The following ANP32E variants were observed in gnomAD, a reference collection of about 807,000 sequenced individuals.
ANP32E encodes acidic leucine-rich nuclear phosphoprotein 32 family member E.
Under a neutral mutation model 35.3 loss-of-function variants are expected in ANP32E, and 14 were observed. The ratio of observed to expected loss-of-function variants is 0.40; its 90% confidence interval spans 0.26 to 0.62. The LOEUF (loss-of-function observed/expected upper bound fraction) is 0.62, where lower values mean the gene tolerates loss of function less well. Among genes scored for constraint, ANP32E ranks in the 20% least tolerant of loss-of-function variants. The pLI, the probability that ANP32E is intolerant of heterozygous loss-of-function variation, is 0.45. For missense variants in ANP32E, 198 were observed against 304.4 expected (o/e 0.65, Z 2.60); for synonymous variants, 89 against 110.4 (o/e 0.81, Z 1.22).
Position 150,230,699 on chromosome 1 carries a change from C to T in ANP32E, c.205-6G>A. On this transcript the variant is annotated splice_polypyrimidine_tract_variant and splice_region_variant and intron_variant, in intron 2 of 6. Coordinates refer to ENST00000583931, the MANE Select transcript of ANP32E (RefSeq NM_030920.5). Reference sequence around the variant, plus strand: ...ATATTATCACTAAGCTCCAACTATACATTCAACAAAGGAAAAAACAAAGAA... The same window carrying T: ...ATATTATCACTAAGCTCCAACTATATATTCAACAAAGGAAAAAACAAAGAA... 6.7e-7 allele frequency: 1 copy of T among 1,486,554 alleles called. No homozygotes were observed. The highest frequency in any genetic ancestry group is 8.9e-7 in the Non-Finnish European group (1 of 1,127,568). 92.1% of individuals were successfully genotyped at this position (1,486,554 alleles called of 1,614,324 possible). A position where few individuals can be genotyped will look rare whatever the true frequency, so the allele number is the denominator to read the frequency against.
chr1:150,229,849 T>A (rs1440395918), intron 3 of ANP32E, among the ~76,000 whole-genome samples: 2 of 152,212 alleles, frequency 1.3e-5, no homozygotes, highest in African/African-American at 2.4e-5. Context: ...CCTGACCTCA[T>A]GATCGGCTCA....
chr1:150,230,260 G>A (rs1192516081), intron 3 of ANP32E, among the ~76,000 whole-genome samples: 3 of 151,074 alleles, frequency 2.0e-5, no homozygotes, highest in African/African-American at 7.3e-5. Context: ...GAAAGAAGGG[G>A]ACAAATAATA....
intron 5 of ANP32E, among the ~76,000 whole-genome samples, chr1:150,225,138 TA>T (rs1195901943): frequency 2.0e-5 from 3 of 152,166 alleles, no homozygotes; most frequent in Non-Finnish European, 4.4e-5. Flanking sequence ...GTTGGGTTTG[TA>T]AAGATAAGAA....
At chr1:150,228,194 C>G (rs587753948) in intron 4 of ANP32E, among the ~76,000 whole-genome samples, 219 of 151,932 alleles carry the variant, frequency 1.4e-3, no homozygotes, top group African/African-American at 4.9e-3. Context: ...CTGCAACCTT[C>G]GCCTCCCAGG....
rs1169244840 is a variant in ANP32E, at chr1:150,230,838, T to G, written c.205-145A>C. 6.7e-6 allele frequency: 4 copies of G among 592,758 alleles called. No individual in the cohort carries two copies. In the Admixed American group the frequency reaches 1.3e-4, roughly 20 times the overall value. 36.7% of individuals were successfully genotyped at this position (592,758 alleles called of 1,614,324 possible). On this transcript the variant is annotated intron_variant, in intron 2 of 6. Coordinates refer to ENST00000583931, the MANE Select transcript of ANP32E (RefSeq NM_030920.5). Reference sequence around the variant, plus strand: ...CTCACTGCAACCTCCGCCTCCTGGGTTCAAGCAAATTCTCCTGCCTCAGCC... The same window carrying G: ...CTCACTGCAACCTCCGCCTCCTGGGGTCAAGCAAATTCTCCTGCCTCAGCC...
chr1:150,232,497 G>T (rs587594924), intron 1 of ANP32E, among the ~76,000 whole-genome samples: 11 of 125,994 alleles, frequency 8.7e-5, no homozygotes, highest in Non-Finnish European at 1.5e-4. Flanking sequence ...TGTAGATGGA[G>T]TCTTGCTCTG....
At position 150,220,419 on chromosome 1, in the gene ANP32E, T is replaced by C. The variant is rs1648246858; in HGVS notation, c.*272A>G. 5.8e-6 allele frequency: 2 copies of C among 341,892 alleles called. No individual in the cohort carries two copies. The highest frequency in any genetic ancestry group is 1.1e-5 in the Non-Finnish European group (2 of 183,200). 21.2% of individuals were successfully genotyped at this position (341,892 alleles called of 1,614,324 possible). Reference sequence around the variant, plus strand: ...TTAATTATGGGCTAAAAATGACTAATACAGTAAGCTTGAATTTAAAAAATT... The same window carrying C: ...TTAATTATGGGCTAAAAATGACTAACACAGTAAGCTTGAATTTAAAAAATT... On this transcript the variant is annotated 3_prime_UTR_variant, in exon 7 of 7. Transcript: ENST00000583931.
At chr1:150,222,362 T>C (rs1032186510) in intron 6 of ANP32E, among the ~76,000 whole-genome samples, 12 of 150,834 alleles carry the variant, frequency 8.0e-5, no homozygotes, top group Non-Finnish European at 1.5e-4. Flanking sequence ...GAGCTTGCAG[T>C]GAACTGAGAT....
At position 150,235,120 on chromosome 1, in the gene ANP32E, G is replaced by A. The variant is rs1204698419; in HGVS notation, c.54+613C>T. Among the ~76,000 whole-genome samples the A allele has an allele frequency of 2.0e-5, 3 of 152,156 alleles. No individual in the cohort carries two copies. Among genetic ancestry groups the A allele is most frequent in the Non-Finnish European group, 4.4e-5 (3 of 68,016 alleles). On this transcript the variant is annotated intron_variant, in intron 1 of 6. Transcript: ENST00000583931. The surrounding 1 kb of genome is among the most constrained non-coding windows in gnomAD (Gnocchi z 4.2). ...AAACTCGCCCGCGGTCGGAGAACCC[G>A]CCGCTGACCCAGATTCCGCCGGGCG... is the stretch of plus-strand genomic sequence containing the variant.
At position 150,221,481 on chromosome 1, in the gene ANP32E, G is replaced by A. The variant is rs1205515492; in HGVS notation, c.737-720C>T. 5.7e-5 allele frequency among the ~76,000 whole-genome samples: 7 copies of A among 122,546 alleles called. 1 individual carries two copies. The highest frequency in any genetic ancestry group is 3.5e-3 in the Middle Eastern group (1 of 286). The allele number at this position is 122,546 out of a possible 152,430, so 80.4% of individuals were successfully genotyped here. A position where few individuals can be genotyped will look rare whatever the true frequency, so the allele number is the denominator to read the frequency against. On this transcript the variant is annotated intron_variant, in intron 6 of 6. Transcript: ENST00000583931. ...AGGCTAAGAGAGGAAGAGAGGAAGA[G>A]AGGAAGGAAGGGAGGGAGGGAGGGA... is the stretch of plus-strand genomic sequence containing the variant.
chr1:150,223,635 A>G (rs11205343), intron 5 of ANP32E, among the ~76,000 whole-genome samples: 3,905 of 137,494 alleles, frequency 0.028, 201 homozygotes, highest in African/African-American at 0.099. Flanking sequence ...GAGCTGAGAT[A>G]GCGCCATTGC....
At chr1:150,222,587 C>CT (rs1648517310) in intron 6 of ANP32E, among the ~76,000 whole-genome samples, 1 of 150,556 alleles carries the variant, frequency 6.6e-6, no homozygotes, top group Non-Finnish European at 1.5e-5. Context: ...AACCCCATCT[C>CT]TAAAAAAAAA....
chr1:150,226,895 G>A, intron 4 of ANP32E, 100 bp from the exon 5 acceptor site: 1 of 1,421,608 alleles, frequency 7.0e-7, no homozygotes, highest in African/African-American at 1.5e-5. Flanking sequence ...AAACTTGTAA[G>A]CCAATAGGTG....
chr1:150,223,066 G>A, intron 6 of ANP32E, 120 bp downstream of exon 6: 1 of 1,191,440 alleles, frequency 8.4e-7, no homozygotes, highest in Non-Finnish European at 1.1e-6. Flanking sequence ...AAATCAAAGG[G>A]ATCAGTAAAA....
At chr1:150,226,935 T>C in intron 4 of ANP32E, 140 bp from the exon 5 acceptor site, 9 of 1,224,696 alleles carry the variant, frequency 7.3e-6, no homozygotes, top group Non-Finnish European at 9.7e-6. Context: ...ACTTTTTTTT[T>C]TTTAAGATTT....
intron 4 of ANP32E, among the ~76,000 whole-genome samples, chr1:150,227,547 T>TG (rs1465688625): frequency 6.6e-6 from 1 of 151,474 alleles, no homozygotes; most frequent in Non-Finnish European, 1.5e-5. Context: ...AGTTAAACAC[T>TG]GGGGACACAG....
chr1:150,230,837 G>A (rs944406914), intron 2 of ANP32E, 144 bp from the exon 3 acceptor site: 3 of 635,980 alleles, frequency 4.7e-6, no homozygotes, highest in East Asian at 7.6e-5. Context: ...CGCCTCCTGG[G>A]TTCAAGCAAA....
At chr1:150,223,925 A>G (rs1553839040) in intron 5 of ANP32E, among the ~76,000 whole-genome samples, 3 of 151,770 alleles carry the variant, frequency 2.0e-5, no homozygotes, top group African/African-American at 7.3e-5. Context: ...TTGTATTTAT[A>G]GTAGAGACAG....
At chr1:150,230,359 C>T (rs1406770258) in intron 3 of ANP32E, among the ~76,000 whole-genome samples, 1 of 152,102 alleles carries the variant, frequency 6.6e-6, no homozygotes, top group Non-Finnish European at 1.5e-5. Context: ...AGATAGTCAA[C>T]TCCTGAAGTT....
Sources: gnomAD v4.1 joint callset for allele counts (sites outside exome capture counted in the v4.1 genomes callset) on GRCh38, gnomAD v4.1.1 for gene constraint, Gnocchi (gnomAD v3.1) non-coding constraint, MANE v1.5 for transcripts, NCBI Gene and HGNC (gene_info 2026-07-23, HGNC 2026-07-21) for gene names.